The following DENND5A variants were observed in gnomAD, a reference collection of about 807,000 sequenced individuals.
The protein encoded by DENND5A is DENN domain-containing protein 5A.
DENND5A carries 64 observed loss-of-function variants against 140.3 expected under a neutral mutation model. The observed-to-expected ratio is 0.46, with a 90% CI of 0.37 to 0.56. DENND5A has a LOEUF of 0.56. Among genes scored for constraint, DENND5A ranks in the 20% least tolerant of loss-of-function variants. The probability of loss-of-function intolerance (pLI) is 0.00; values close to 1 mark genes in which losing one functional copy is unlikely to be tolerated. For missense variants in DENND5A, 1,292 were observed against 1,593.8 expected (o/e 0.81, Z 3.22); for synonymous variants, 605 against 607.7 (o/e 1.00, Z 0.07).
chr11:9,223,957 C>T lies in DENND5A; in HGVS notation c.110-16325G>A, dbSNP rs572851338. ...CTGTAATCCCAGCACTTTGGGAGGC[C>T]GCAGTGGGCGGATCACCTGAGGTCA... On this transcript the variant is annotated intron_variant, in intron 1 of 22. Coordinates refer to ENST00000328194, the MANE Select transcript of DENND5A (RefSeq NM_015213.4). 2.2e-4 allele frequency among the ~76,000 whole-genome samples: 34 copies of T among 151,756 alleles called. No homozygotes were observed. The South Asian group carries it at 6.0e-3, about 27-fold the overall frequency.
intron 11 of DENND5A, among the ~76,000 whole-genome samples, chr11:9,165,208 G>C (rs1031431608): frequency 3.9e-5 from 6 of 151,934 alleles, no homozygotes; most frequent in Non-Finnish European, 8.8e-5. Flanking sequence ...TACCATGTTG[G>C]CCAGGCTGGT....
At chr11:9,225,931 A>G (rs1190551815) in intron 1 of DENND5A, among the ~76,000 whole-genome samples, 3 of 152,130 alleles carry the variant, frequency 2.0e-5, no homozygotes, top group Non-Finnish European at 4.4e-5. Context: ...CAACAAATAA[A>G]TTAGCTGAGT....
intron 1 of DENND5A, among the ~76,000 whole-genome samples, chr11:9,243,183 T>C (rs780055349): frequency 1.6e-4 from 24 of 150,704 alleles, no homozygotes; most frequent in Non-Finnish European, 2.9e-4. Flanking sequence ...TTTGGCCTCA[T>C]TAAATGCACC....
intron 1 of DENND5A, among the ~76,000 whole-genome samples, chr11:9,209,144 C>T (rs1317840169): frequency 2.0e-5 from 3 of 152,170 alleles, no homozygotes; most frequent in Non-Finnish European, 4.4e-5. Flanking sequence ...TCAGTAAAAA[C>T]CACGAAATAT....
At chr11:9,226,767 A>G (rs927910100) in intron 1 of DENND5A, among the ~76,000 whole-genome samples, 1 of 152,194 alleles carries the variant, frequency 6.6e-6, no homozygotes, top group Admixed American at 6.5e-5. Flanking sequence ...AAATTTCCCC[A>G]TAATTCATCA....
intron 4 of DENND5A, among the ~76,000 whole-genome samples, chr11:9,195,086 CTTT>C (rs35616166): frequency 9.4e-5 from 12 of 128,130 alleles, no homozygotes; most frequent in Admixed American, 3.2e-4. Flanking sequence ...CTAGTTAAAA[CTTT>C]TTTTTTTTTT....
chr11:9,258,008 G>T (rs1195556479), intron 1 of DENND5A, among the ~76,000 whole-genome samples: 1 of 151,098 alleles, frequency 6.6e-6, no homozygotes, highest in South Asian at 2.1e-4. Flanking sequence ...GGCCAGGCTG[G>T]TCTCAAACTC....
chr11:9,197,638 G>A (rs1849377431), intron 4 of DENND5A, among the ~76,000 whole-genome samples: 1 of 150,186 alleles, frequency 6.7e-6, no homozygotes, highest in Non-Finnish European at 1.5e-5. Flanking sequence ...GAAGCTATAG[G>A]GGGCTGAGAT....
intron 1 of DENND5A, among the ~76,000 whole-genome samples, chr11:9,233,693 T>C (rs1192951507): frequency 6.6e-6 from 1 of 152,072 alleles, no homozygotes; most frequent in Non-Finnish European, 1.5e-5. Context: ...ATTAGGGTGG[T>C]GTAGTCAGAA....
intron 11 of DENND5A, among the ~76,000 whole-genome samples, chr11:9,164,194 ATTTTTTTTTTTTTTTTTTTTT>A (rs779522112): frequency 0.021 from 1,666 of 79,100 alleles, 69 homozygotes; most frequent in African/African-American, 0.073. Flanking sequence ...ACCACGCCTA[ATTTTTTTTTTTTTTTTTTTTT>A]TTTTTTTTTT....
At chr11:9,192,438 C>G (rs1215110681) in intron 5 of DENND5A, among the ~76,000 whole-genome samples, 1 of 151,958 alleles carries the variant, frequency 6.6e-6, no homozygotes, top group African/African-American at 2.4e-5. Context: ...ACCAGCCTGG[C>G]CAACATAGTG....
At chr11:9,216,525 G>A (rs951131532) in intron 1 of DENND5A, among the ~76,000 whole-genome samples, 45 of 152,272 alleles carry the variant, frequency 3.0e-4, no homozygotes, top group African/African-American at 9.4e-4. Context: ...GAGATACAAC[G>A]TAACCTCCAA....
intron 15 of DENND5A, among the ~76,000 whole-genome samples, chr11:9,148,115 C>T (rs1164628163): frequency 6.6e-6 from 1 of 152,108 alleles, no homozygotes; most frequent in Non-Finnish European, 1.5e-5. Context: ...GGACTGCTCA[C>T]AATGAATAAT....
At chr11:9,243,470 C>T (rs1477196756) in intron 1 of DENND5A, among the ~76,000 whole-genome samples, 1 of 152,120 alleles carries the variant, frequency 6.6e-6, no homozygotes, top group East Asian at 1.9e-4. Flanking sequence ...GATTTTCTTC[C>T]ACCTCTGCCA....
intron 1 of DENND5A, among the ~76,000 whole-genome samples, chr11:9,258,087 C>T (rs1852029945): frequency 6.6e-6 from 1 of 152,036 alleles, no homozygotes; most frequent in Admixed American, 6.6e-5. Context: ...GCCACCGTAC[C>T]CGGTCTACAC....
Position 9,178,270 on chromosome 11 carries a change from T to C in DENND5A, c.1768A>G (p.Met590Val), listed in dbSNP as rs1252676332. ...MFASFIDNKI[M>V]CHDDDDKDPV... ...TCTTTATCATCATCATCATGACACATTATTTTGTTGTCAATGAAAGATGCA... is the reference window on the plus strand; with the variant it reads ...TCTTTATCATCATCATCATGACACACTATTTTGTTGTCAATGAAAGATGCA... The change falls in exon 8 of 23, where the codon ATG becomes GTG. Residue 590 changes from methionine to valine, a missense_variant. By Grantham distance (21) the Met-to-Val change is conservative (BLOSUM62 1). This residue lies in a region of DENND5A where 199 missense variants were observed against 189.1 expected (regional missense o/e 1.05). Coordinates refer to ENST00000328194, the MANE Select transcript of DENND5A (RefSeq NM_015213.4). The C allele has an allele frequency of 1.2e-6, 2 of 1,613,624 alleles. No homozygotes were observed. The highest frequency in any genetic ancestry group is 1.3e-5 in the African/African-American group (1 of 74,876).
chr11:9,167,746 T>C (rs1312752783), intron 10 of DENND5A, among the ~76,000 whole-genome samples: 1 of 152,178 alleles, frequency 6.6e-6, no homozygotes, highest in African/African-American at 2.4e-5. Context: ...GAGGTTGCAG[T>C]GAGCCAAGGT....
At position 9,178,826 on chromosome 11, in the gene DENND5A, C is replaced by T. The variant is rs1043499771; in HGVS notation, c.1671+32G>A. 4.5e-6 allele frequency: 7 copies of T among 1,570,146 alleles called. No individual in the cohort carries two copies. The Admixed American group carries it at 6.7e-5, about 15-fold the overall frequency. ...AAGACATAACTGGCAAGTTCTCATT[C>T]CTCACCACCTCCCAAGCAGGATTAC... On this transcript the variant is annotated intron_variant, in intron 7 of 22. Transcript: ENST00000328194.
intron 1 of DENND5A, among the ~76,000 whole-genome samples, chr11:9,246,912 C>T (rs1851497256): frequency 6.6e-6 from 1 of 152,118 alleles, no homozygotes; most frequent in Admixed American, 6.6e-5. Flanking sequence ...CTCCTGCTTT[C>T]CTGAAATTTA....
Sources: gnomAD v4.1 joint callset for allele counts (sites outside exome capture counted in the v4.1 genomes callset) on GRCh38, gnomAD v4.1.1 for gene constraint, gnomAD v4.1.1 regional missense constraint, MANE v1.5 for transcripts, NCBI Gene and HGNC (gene_info 2026-07-23, HGNC 2026-07-21) for gene names.